COMMD10: variants seen among roughly 807,000 people sequenced by gnomAD.
COMMD10 encodes the protein COMM domain containing 10.
Under a neutral mutation model 28.9 loss-of-function variants are expected in COMMD10, and 33 were observed. The observed-to-expected ratio is 1.14, with a 90% confidence interval of 0.87 to 1.53. The LOEUF is 1.53. Ranked by LOEUF, COMMD10 falls within the 40% of genes most tolerant of loss-of-function variation. COMMD10 has a pLI of 0.00. For synonymous variants in COMMD10, 110 were observed against 81.7 expected, an observed-to-expected ratio of 1.35 and a Z score of -1.87; for missense variants, 310 against 233.4, an observed-to-expected ratio of 1.33 and a Z score of -2.14.
At chr5:116,115,284 G>A (rs1287355012) in intron 4 of COMMD10, among the ~76,000 whole-genome samples, 1 of 152,144 alleles carries the variant, frequency 6.6e-6, no homozygotes, top group Non-Finnish European at 1.5e-5. Flanking sequence ...GTAGGAAAGT[G>A]AACCACAGAA....
At chr5:116,154,685 A>G (rs934954390) in intron 5 of COMMD10, among the ~76,000 whole-genome samples, 3 of 150,784 alleles carry the variant, frequency 2.0e-5, no homozygotes, top group Non-Finnish European at 2.9e-5. Context: ...TTCATCACAC[A>G]GTTTTCCTTA....
intron 5 of COMMD10, among the ~76,000 whole-genome samples, chr5:116,236,488 G>GAGCA: frequency 7.8e-6 from 1 of 127,638 alleles, no homozygotes; most frequent in Middle Eastern, 5.2e-3. Context: ...TGGGTGACAA[G>GAGCA]AGCAAGACTC....
At chr5:116,103,557 T>C (rs531010835) in intron 4 of COMMD10, among the ~76,000 whole-genome samples, 5 of 152,332 alleles carry the variant, frequency 3.3e-5, no homozygotes, top group South Asian at 2.1e-4. Flanking sequence ...ATTCTGGATA[T>C]TAGCCCTTTG....
intron 5 of COMMD10, among the ~76,000 whole-genome samples, chr5:116,138,856 CT>C (rs1348945630): frequency 6.6e-6 from 1 of 151,506 alleles, no homozygotes; most frequent in East Asian, 1.9e-4. Flanking sequence ...GGCAAAAGTT[CT>C]TTTTTAAAGT....
chr5:116,184,976 A>G (rs1748091325), intron 5 of COMMD10, among the ~76,000 whole-genome samples: 1 of 152,092 alleles, frequency 6.6e-6, no homozygotes, highest in African/African-American at 2.4e-5. Context: ...CAAAATGAGA[A>G]TAATATGACT....
intron 5 of COMMD10, among the ~76,000 whole-genome samples, chr5:116,286,373 A>G (rs1751218335): frequency 6.8e-6 from 1 of 146,712 alleles, no homozygotes; most frequent in Admixed American, 6.8e-5. Flanking sequence ...CTCTGTTGTA[A>G]TCTATATTAT....
chr5:116,169,282 C>T (rs1224616268), intron 5 of COMMD10, among the ~76,000 whole-genome samples: 1 of 152,068 alleles, frequency 6.6e-6, no homozygotes, highest in African/African-American at 2.4e-5. Flanking sequence ...CATACACCTC[C>T]CAAGACTAAA....
At chr5:116,201,533 T>G (rs1748666456) in intron 5 of COMMD10, among the ~76,000 whole-genome samples, 1 of 152,324 alleles carries the variant, frequency 6.6e-6, no homozygotes, top group East Asian at 1.9e-4. Flanking sequence ...TATTTACATC[T>G]GTCTCTCCAA....
chr5:116,240,686 A>G (rs891151689), intron 5 of COMMD10, among the ~76,000 whole-genome samples: 8 of 152,330 alleles, frequency 5.3e-5, no homozygotes, highest in African/African-American at 1.7e-4. Context: ...ATGAGAAGGA[A>G]GAATCACTAG....
At chr5:116,113,342 A>T (rs1166172533) in intron 4 of COMMD10, among the ~76,000 whole-genome samples, 3 of 131,754 alleles carry the variant, frequency 2.3e-5, no homozygotes, top group Non-Finnish European at 4.9e-5. Flanking sequence ...TGTATCTATT[A>T]TGTCTGTATC....
rs368589793 is a variant in COMMD10 at position 116,117,272 on chromosome 5, C to T, written c.400-16796C>T. On this transcript the variant is annotated intron_variant, in intron 4 of 6. Transcript: ENST00000274458. ...CATTTTATGGATATTATATTTTTTT[C>T]CCTTGCGTAAATATCTAGTAATGGG... is the stretch of plus-strand genomic sequence containing the variant. 2.6e-5 allele frequency among the ~76,000 whole-genome samples: 4 copies of T among 151,832 alleles called. No individual in the cohort carries two copies. The East Asian group carries it at 7.7e-4, about 29-fold the overall frequency.
At chr5:116,088,751 A>G (rs1750204486) in intron 2 of COMMD10, among the ~76,000 whole-genome samples, 4 of 152,130 alleles carry the variant, frequency 2.6e-5, no homozygotes, top group Admixed American at 6.5e-5. Context: ...GGATTTCACA[A>G]TCTCAGTCTC....
intron 4 of COMMD10, among the ~76,000 whole-genome samples, chr5:116,117,368 A>G (rs1414525217): frequency 2.0e-5 from 3 of 152,174 alleles, no homozygotes. Flanking sequence ...TGCTACATGG[A>G]TTGGGAAAAG....
chr5:116,241,896 CG>C (rs1294916474), intron 5 of COMMD10, among the ~76,000 whole-genome samples: 1 of 152,116 alleles, frequency 6.6e-6, no homozygotes, highest in Non-Finnish European at 1.5e-5. Flanking sequence ...GGATTACAGG[CG>C]TGAGCCACCA....
intron 1 of COMMD10, among the ~76,000 whole-genome samples, chr5:116,086,732 T>G (rs1180952140): frequency 6.6e-6 from 1 of 152,130 alleles, no homozygotes; most frequent in Non-Finnish European, 1.5e-5. Flanking sequence ...AGTGCTGGGA[T>G]TATAGGGGTG....
At chr5:116,271,833 A>T (rs1363429175) in intron 5 of COMMD10, among the ~76,000 whole-genome samples, 2 of 151,884 alleles carry the variant, frequency 1.3e-5, no homozygotes, top group Non-Finnish European at 2.9e-5. Context: ...CTCCATACAA[A>T]CATTCCACTT....
intron 5 of COMMD10, among the ~76,000 whole-genome samples, chr5:116,289,681 G>T (rs1751314916): frequency 6.6e-6 from 1 of 151,826 alleles, no homozygotes; most frequent in Non-Finnish European, 1.5e-5. Flanking sequence ...GGGGTGGTGG[G>T]TTCTTCTTGG....
chr5:116,239,884 T>G (rs1004023426), intron 5 of COMMD10, among the ~76,000 whole-genome samples: 1 of 152,190 alleles, frequency 6.6e-6, no homozygotes, highest in African/African-American at 2.4e-5. Flanking sequence ...CTTTGTCTTT[T>G]CTTCAACTGA....
intron 5 of COMMD10, among the ~76,000 whole-genome samples, chr5:116,261,739 T>C (rs1242872125): frequency 6.6e-6 from 1 of 151,760 alleles, no homozygotes; most frequent in East Asian, 1.9e-4. Flanking sequence ...CTAACTTGTA[T>C]CTTCACTTAT....
Sources: allele counts gnomAD v4.1 joint callset (sites outside exome capture counted in the v4.1 genomes callset), GRCh38; gene constraint gnomAD v4.1.1; transcripts MANE v1.5; gene names NCBI Gene and HGNC (gene_info 2026-07-23, HGNC 2026-07-21).